NRXN1: variants seen among roughly 807,000 people sequenced by gnomAD.
NRXN1 encodes neurexin 1.
Under a neutral mutation model 150.9 loss-of-function variants are expected in NRXN1, and 39 were observed. The ratio of observed to expected loss-of-function variants is 0.26; its 90% CI spans 0.20 to 0.34. The LOEUF (loss-of-function observed/expected upper bound fraction) is 0.34, where lower values mean the gene tolerates loss of function less well. Ranked by LOEUF, NRXN1 falls within the 10% of genes least tolerant of loss-of-function variation. The pLI is 1.00. For missense variants in NRXN1, 1,815 were observed against 1,949.9 expected (o/e 0.93, Z 1.30); for synonymous variants, 924 against 757.0 (o/e 1.22, Z -3.62).
rs566527493 is a variant in NRXN1 at position 50,464,578 on chromosome 2, A to G, written c.3364+864T>C. ...CAAAATCTAAACCTTCAACCGTTGC[A>G]TCTTCTATTCCATCATCCTGGAGGT... On this transcript the variant is annotated intron_variant, in intron 17 of 22. Coordinates refer to ENST00000401669, the MANE Select transcript of NRXN1 (RefSeq NM_001330078.2). 3.9e-5 allele frequency: 6 copies of G among 152,078 alleles called. No individual in the cohort carries two copies. In the South Asian group the frequency reaches 1.2e-3, roughly 32 times the overall value. The allele number at this position is 152,078 out of a possible 1,614,324, so 9.4% of individuals were successfully genotyped here. A position where few individuals can be genotyped will look rare whatever the true frequency, so the allele number is the denominator to read the frequency against.
At chr2:50,019,037 G>C (rs1213771257) in intron 21 of NRXN1, among the ~76,000 whole-genome samples, 2 of 152,162 alleles carry the variant, frequency 1.3e-5, no homozygotes, top group African/African-American at 2.4e-5. Context: ...ACAAGGTTAG[G>C]TAACAAGCAG....
intron 8 of NRXN1, among the ~76,000 whole-genome samples, chr2:50,591,073 G>T (rs991047342): frequency 2.0e-5 from 3 of 152,088 alleles, no homozygotes; most frequent in Non-Finnish European, 4.4e-5. Flanking sequence ...ATGCTGCAAA[G>T]AAAAAAGAAA....
At chr2:50,828,147 G>T (rs929426867) in intron 5 of NRXN1, among the ~76,000 whole-genome samples, 24 of 151,640 alleles carry the variant, frequency 1.6e-4, no homozygotes, top group African/African-American at 5.6e-4. Flanking sequence ...GGTGGTGGCC[G>T]GGCAGAGGGG....
intron 5 of NRXN1, among the ~76,000 whole-genome samples, chr2:50,735,680 C>A (rs749753218): frequency 6.6e-6 from 1 of 152,100 alleles, no homozygotes; most frequent in African/African-American, 2.4e-5. Flanking sequence ...TATGCTACGT[C>A]CCTCAATTAG....
At chr2:51,018,508 C>T (rs1669097414) in intron 2 of NRXN1, among the ~76,000 whole-genome samples, 1 of 152,098 alleles carries the variant, frequency 6.6e-6, no homozygotes. Context: ...ATCTTTCCAA[C>T]TCTAAGAACC....
At chr2:50,737,053 T>C (rs1266345510) in intron 5 of NRXN1, among the ~76,000 whole-genome samples, 1 of 151,424 alleles carries the variant, frequency 6.6e-6, no homozygotes, top group Admixed American at 6.6e-5. Flanking sequence ...AGGTAAGGAG[T>C]TTGAGACCAA....
intron 5 of NRXN1, among the ~76,000 whole-genome samples, chr2:50,795,930 G>C (rs939768631): frequency 6.6e-5 from 10 of 151,972 alleles, no homozygotes; most frequent in African/African-American, 2.4e-4. Context: ...AATGTACTGA[G>C]TCAGGGGCTG....
intron 18 of NRXN1, among the ~76,000 whole-genome samples, chr2:50,148,723 A>AC (rs2058516000): frequency 6.6e-6 from 1 of 151,748 alleles, no homozygotes; most frequent in Non-Finnish European, 1.5e-5. Flanking sequence ...GTCAGAGGAT[A>AC]GAAACACACA....
At position 50,809,135 on chromosome 2, in the gene NRXN1, GATCT is replaced by G. The variant is rs1667888979; in HGVS notation, c.832+112730_832+112733del. On this transcript the variant is annotated intron_variant, in intron 5 of 22. Coordinates refer to ENST00000401669, the MANE Select transcript of NRXN1 (RefSeq NM_001330078.2). ...CAGGGTCCTCTTCATGGAAAATGAGGATCTATTTACAGTTTATCAATAATCAGAG... is the reference window on the plus strand; with the variant it reads ...CAGGGTCCTCTTCATGGAAAATGAGGATTTACAGTTTATCAATAATCAGAG... Among the ~76,000 whole-genome samples, 6 of 152,100 alleles carry G rather than the reference GATCT, an allele frequency of 3.9e-5. No individual in the cohort carries two copies. The South Asian group carries it at 1.2e-3, about 32-fold the overall frequency.
chr2:50,217,688 G>A (rs892660128), intron 18 of NRXN1, among the ~76,000 whole-genome samples: 4 of 151,996 alleles, frequency 2.6e-5, no homozygotes, highest in African/African-American at 4.8e-5. Flanking sequence ...TCAACAGAAC[G>A]CCTGGTTGAA....
At chr2:50,775,275 G>A (rs1434302278) in intron 5 of NRXN1, among the ~76,000 whole-genome samples, 2 of 151,934 alleles carry the variant, frequency 1.3e-5, no homozygotes, top group Admixed American at 1.3e-4. Flanking sequence ...TGTTCTCTCG[G>A]TATCCTGTGG....
chr2:50,872,319 A>T (rs2106104718), intron 5 of NRXN1, among the ~76,000 whole-genome samples: 1 of 151,952 alleles, frequency 6.6e-6, no homozygotes, highest in African/African-American at 2.4e-5. Flanking sequence ...CCATGCCTAC[A>T]CAAGGGCCCA....
intron 8 of NRXN1, among the ~76,000 whole-genome samples, chr2:50,600,735 A>C (rs1676131773): frequency 6.6e-6 from 1 of 152,242 alleles, no homozygotes; most frequent in African/African-American, 2.4e-5. Context: ...ATAACTAAAG[A>C]ATGACATTTC....
At chr2:49,929,616 C>T (rs1669768793) in intron 22 of NRXN1, among the ~76,000 whole-genome samples, 1 of 152,098 alleles carries the variant, frequency 6.6e-6, no homozygotes, top group Non-Finnish European at 1.5e-5. Flanking sequence ...CCTCACATAC[C>T]AAAAAGAGTT....
chr2:50,224,515 G>C (rs1223011824), intron 18 of NRXN1, among the ~76,000 whole-genome samples: 3 of 151,902 alleles, frequency 2.0e-5, no homozygotes, highest in Non-Finnish European at 2.9e-5. Context: ...CATGATTTCA[G>C]AGGGGGAATT....
intron 12 of NRXN1, among the ~76,000 whole-genome samples, chr2:50,517,821 C>T (rs1238862019): frequency 6.6e-6 from 1 of 152,100 alleles, no homozygotes; most frequent in African/African-American, 2.4e-5. Flanking sequence ...TGGATGTGAC[C>T]TTGGAGAGTT....
At chr2:50,935,208 A>T (rs1438815799) in intron 2 of NRXN1, among the ~76,000 whole-genome samples, 2 of 152,154 alleles carry the variant, frequency 1.3e-5, no homozygotes, top group African/African-American at 2.4e-5. Flanking sequence ...TTCCTATAAC[A>T]TGGGCCTCTT....
At chr2:50,076,704 C>T (rs771018582) in intron 19 of NRXN1, among the ~76,000 whole-genome samples, 9 of 152,162 alleles carry the variant, frequency 5.9e-5, no homozygotes, top group Non-Finnish European at 1.0e-4. Flanking sequence ...TATATTCCTA[C>T]AGCAATTTTA....
chr2:49,941,748 A>C (rs1672013454), intron 22 of NRXN1, among the ~76,000 whole-genome samples: 1 of 152,200 alleles, frequency 6.6e-6, no homozygotes, highest in South Asian at 2.1e-4. Context: ...ACTAATTGAG[A>C]AAACAAAATC....
Sources: gnomAD v4.1 joint callset for allele counts (sites outside exome capture counted in the v4.1 genomes callset) on GRCh38, gnomAD v4.1.1 for gene constraint, MANE v1.5 for transcripts, NCBI Gene and HGNC (gene_info 2026-07-23, HGNC 2026-07-21) for gene names.